Variants in DENND2B observed in about 807,000 individuals in gnomAD.
DENND2B encodes the protein DENN domain-containing protein 2B.
A neutral mutation model predicts 116.0 loss-of-function variants in DENND2B; 32 were observed. The observed-to-expected ratio is 0.28, with a 90% CI of 0.21 to 0.37. The LOEUF (loss-of-function observed/expected upper bound fraction) is 0.37, where lower values mean the gene tolerates loss of function less well. DENND2B is among the 10% of genes least tolerant of loss of function. DENND2B has a pLI of 1.00. For synonymous variants in DENND2B, 588 were observed against 583.9 expected (o/e 1.01, Z -0.10); for missense variants, 1,276 against 1,477.7 (o/e 0.86, Z 2.24).
intron 2 of DENND2B, among the ~76,000 whole-genome samples, chr11:8,738,060 T>C (rs952038997): frequency 5.3e-5 from 8 of 152,162 alleles, no homozygotes; most frequent in African/African-American, 1.2e-4. Context: ...GTGACTGTAA[T>C]TGGAATGATC....
chr11:8,726,215 G>A lies in DENND2B; in HGVS notation c.1341-6C>T. The A allele has an allele frequency of 5.6e-6, 9 of 1,604,710 alleles. No homozygotes were observed. Among genetic ancestry groups the A allele is most frequent in the Non-Finnish European group, 6.8e-6 (8 of 1,175,630 alleles). ...CCTCAAACTCAAAGGATTTTCTGTG[G>A]ATAACAAGAGCAAGAGTCATTCCTG... On this transcript the variant is annotated splice_polypyrimidine_tract_variant and splice_region_variant and intron_variant, in intron 3 of 19. Coordinates refer to ENST00000313726, the MANE Select transcript of DENND2B (RefSeq NM_213618.2).
rs2042756899 is a variant in DENND2B at position 8,707,230 on chromosome 11, G to C, written c.2431-5C>G. 6.2e-7 allele frequency: 1 copy of C among 1,607,892 alleles called. No homozygotes were observed. The highest frequency in any genetic ancestry group is 1.1e-5 in the South Asian group (1 of 90,328). ...GCGCTCCACCTCATCTAGGACCTGT[G>C]CCCACCGCCAGCAGCCCAAAGAGGA... On this transcript the variant is annotated splice_region_variant and splice_polypyrimidine_tract_variant and intron_variant, in intron 12 of 19. Transcript: ENST00000313726. The surrounding 1 kb of genome is among the most constrained non-coding windows in gnomAD (Gnocchi z 4.8).
intron 2 of DENND2B, among the ~76,000 whole-genome samples, chr11:8,858,303 T>C (rs543478128): frequency 3.9e-4 from 60 of 152,260 alleles, no homozygotes; most frequent in African/African-American, 1.3e-3. Context: ...CCTAACTTCA[T>C]GGAGTTTATT....
intron 4 of DENND2B, among the ~76,000 whole-genome samples, chr11:8,823,038 A>C (rs1292415149): frequency 6.6e-6 from 1 of 152,190 alleles, no homozygotes; most frequent in Non-Finnish European, 1.5e-5. Context: ...TAGGGAATAA[A>C]ATAGATAATA....
chr11:8,877,237 G>C (rs1372614720), intron 2 of DENND2B, among the ~76,000 whole-genome samples: 1 of 150,674 alleles, frequency 6.6e-6, no homozygotes, highest in African/African-American at 2.4e-5. Context: ...CCGAGTAGCT[G>C]GGACTACAGG....
chr11:8,713,387 AT>A (rs1203497567), intron 8 of DENND2B, among the ~76,000 whole-genome samples: 2 of 148,828 alleles, frequency 1.3e-5, no homozygotes, highest in African/African-American at 2.5e-5. Flanking sequence ...CAGATCTACA[AT>A]TTTTTTTTTG....
At chr11:8,717,913 G>C (rs1257883866) in intron 4 of DENND2B, 21 bp from the exon 5 acceptor site, 3 of 1,597,978 alleles carry the variant, frequency 1.9e-6, no homozygotes, top group African/African-American at 2.7e-5. Flanking sequence ...GGAAGAGTTA[G>C]AGAAGGGGGA....
chr11:8,745,404 G>T (rs2051055153), intron 2 of DENND2B, among the ~76,000 whole-genome samples: 1 of 152,164 alleles, frequency 6.6e-6, no homozygotes, highest in Non-Finnish European at 1.5e-5. Flanking sequence ...TAGACTTCAA[G>T]CTGATGCCAT....
intron 1 of DENND2B, among the ~76,000 whole-genome samples, chr11:8,769,745 A>G (rs982156656): frequency 2.0e-5 from 3 of 152,068 alleles, no homozygotes; most frequent in African/African-American, 7.2e-5. Context: ...ACCCAGCTTT[A>G]CCACTGTTCC....
At chr11:8,906,781 A>C (rs1408511383) in intron 1 of DENND2B, among the ~76,000 whole-genome samples, 2 of 152,200 alleles carry the variant, frequency 1.3e-5, no homozygotes, top group Non-Finnish European at 2.9e-5. Flanking sequence ...GAGATGATGT[A>C]ATCAGGCAAA....
intron 1 of DENND2B, among the ~76,000 whole-genome samples, chr11:8,759,310 T>C (rs1047816944): frequency 4.6e-5 from 7 of 152,230 alleles, no homozygotes; most frequent in Non-Finnish European, 1.0e-4. Context: ...TGCCTTGCTC[T>C]TGAAGCAGGA....
intron 3 of DENND2B, among the ~76,000 whole-genome samples, chr11:8,852,597 C>T (rs2063047814): frequency 6.6e-6 from 1 of 152,232 alleles, no homozygotes; most frequent in South Asian, 2.1e-4. Flanking sequence ...GCCAGAAATG[C>T]TCCACATCTT....
At chr11:8,877,031 C>G (rs112752981) in intron 2 of DENND2B, among the ~76,000 whole-genome samples, 4,666 of 151,458 alleles carry the variant, frequency 0.031, 233 homozygotes, top group African/African-American at 0.11. Context: ...CTCATCCAAC[C>G]TGGATGGTCC....
At chr11:8,718,402 A>G in intron 4 of DENND2B, 1 of 1,533,124 alleles carries the variant, frequency 6.5e-7, no homozygotes, top group Non-Finnish European at 8.7e-7. Context: ...CGTAGGGAGC[A>G]GGGCTTCGCC....
rs2041963481 is a variant in DENND2B at position 8,702,890 on chromosome 11, T to C, written c.2572-170A>G. ...TCTTCTCCATCCCTCGGACTACAGC[T>C]CTGCTCTCGTAGCACTCGAACACCC... On this transcript the variant is annotated intron_variant, in intron 13 of 19. Coordinates refer to ENST00000313726, the MANE Select transcript of DENND2B (RefSeq NM_213618.2). This position sits in a 1 kb window ranked among gnomAD's most constrained non-coding sequence, Gnocchi z 4.6. 1 of 808,388 alleles carries C rather than the reference T, an allele frequency of 1.2e-6. No homozygotes were observed. The highest frequency in any genetic ancestry group is 1.7e-5 in the African/African-American group (1 of 57,850). The allele number at this position is 808,388 out of a possible 1,614,324, so 50.1% of individuals were successfully genotyped here. A position where few individuals can be genotyped will look rare whatever the true frequency, so the allele number is the denominator to read the frequency against.
intron 2 of DENND2B, among the ~76,000 whole-genome samples, chr11:8,744,203 G>A (rs958229752): frequency 2.7e-5 from 4 of 149,580 alleles, no homozygotes; most frequent in Non-Finnish European, 4.4e-5. Context: ...GCGTGATCTC[G>A]GCTCACCACA....
At chr11:8,735,179 G>C (rs1304476707) in intron 2 of DENND2B, among the ~76,000 whole-genome samples, 1 of 152,172 alleles carries the variant, frequency 6.6e-6, no homozygotes, top group Non-Finnish European at 1.5e-5. Context: ...TTCTAAACTT[G>C]AGGCCTCAAG....
chr11:8,828,652 A>C (rs1055679988), intron 4 of DENND2B, among the ~76,000 whole-genome samples: 1 of 152,092 alleles, frequency 6.6e-6, no homozygotes, highest in Admixed American at 6.6e-5. Flanking sequence ...AAGGACTCGG[A>C]GGTGACCAGC....
chr11:8,884,087 A>G (rs112865036), intron 1 of DENND2B, among the ~76,000 whole-genome samples: 61 of 152,220 alleles, frequency 4.0e-4, no homozygotes, highest in South Asian at 1.0e-3. Flanking sequence ...CACATCTTCA[A>G]AATGCATTCA....
Sources: gnomAD v4.1 joint callset for allele counts (sites outside exome capture counted in the v4.1 genomes callset) on GRCh38, gnomAD v4.1.1 for gene constraint, Gnocchi (gnomAD v3.1) non-coding constraint, MANE v1.5 for transcripts, NCBI Gene and HGNC (gene_info 2026-07-23, HGNC 2026-07-21) for gene names.